Variants in NIPSNAP1 observed in about 807,000 individuals in gnomAD.
The protein encoded by NIPSNAP1 is protein NipSnap homolog 1.
Under a neutral mutation model 49.2 loss-of-function variants are expected in NIPSNAP1, and 25 were observed. The ratio of observed to expected loss-of-function variants is 0.51; its 90% CI spans 0.37 to 0.71. The LOEUF is 0.71. Ranked by LOEUF, NIPSNAP1 falls within the 30% of genes least tolerant of loss-of-function variation. NIPSNAP1 has a pLI of 0.00. For missense variants in NIPSNAP1, 294 were observed against 361.0 expected (o/e 0.81, Z 1.50); for synonymous variants, 143 against 140.7 (o/e 1.02, Z -0.12).
chr22:29,554,850 C>G lies in NIPSNAP1; in HGVS notation c.*1085G>C, dbSNP rs1185042620. 2 of 152,634 alleles carry G rather than the reference C, an allele frequency of 1.3e-5. No homozygotes were observed. Among genetic ancestry groups the G allele is most frequent in the Non-Finnish European group, 2.9e-5 (2 of 68,040 alleles). 9.5% of individuals were successfully genotyped at this position (152,634 alleles called of 1,614,324 possible). On this transcript the variant is annotated 3_prime_UTR_variant, in exon 10 of 10. Transcript: ENST00000216121. ...ATTGTTTCCATCAGCAATTCCAGCA[C>G]AAGTTTTCCTGGATGGTAGGCAGAA... is the stretch of plus-strand genomic sequence containing the variant.
chr22:29,573,405 T>A (rs1262402494), intron 1 of NIPSNAP1, among the ~76,000 whole-genome samples: 1 of 151,644 alleles, frequency 6.6e-6, no homozygotes, highest in East Asian at 2.0e-4. Flanking sequence ...CGCCTATAAT[T>A]CCAGCACTCT....
At chr22:29,580,039 G>A in intron 1 of NIPSNAP1, 2 of 1,265,516 alleles carry the variant, frequency 1.6e-6, no homozygotes, top group Non-Finnish European at 2.1e-6. Context: ...TGGGCTGCAG[G>A]GCAGGAGGGA....
chr22:29,563,698 T>C (rs903759598), intron 4 of NIPSNAP1, among the ~76,000 whole-genome samples: 1 of 152,006 alleles, frequency 6.6e-6, no homozygotes, highest in Non-Finnish European at 1.5e-5. Flanking sequence ...AGGTGAGCCC[T>C]GAGTCCAGTG....
intron 1 of NIPSNAP1, among the ~76,000 whole-genome samples, chr22:29,574,574 T>C (rs1399610693): frequency 6.6e-6 from 1 of 150,856 alleles, no homozygotes; most frequent in African/African-American, 2.4e-5. Context: ...AGGTCAGGAG[T>C]TTGAGGCTAG....
chr22:29,569,844 C>G, intron 3 of NIPSNAP1: 1 of 400,344 alleles, frequency 2.5e-6, no homozygotes, highest in South Asian at 2.2e-5. Context: ...AAAAAATTAG[C>G]CATGCTTAGC....
intron 4 of NIPSNAP1, among the ~76,000 whole-genome samples, chr22:29,566,899 G>A (rs2064371934): frequency 6.6e-6 from 1 of 151,946 alleles, no homozygotes; most frequent in Non-Finnish European, 1.5e-5. Flanking sequence ...TCAGGCGGGA[G>A]GATCATGAGG....
At chr22:29,576,823 GCT>G (rs911640425) in intron 1 of NIPSNAP1, among the ~76,000 whole-genome samples, 1 of 150,958 alleles carries the variant, frequency 6.6e-6, no homozygotes, top group Admixed American at 6.6e-5. Context: ...TACTTGGGAG[GCT>G]GAGGCAGGAG....
intron 1 of NIPSNAP1, among the ~76,000 whole-genome samples, chr22:29,573,768 CA>C (rs695672): frequency 0.3 from 36,953 of 125,038 alleles, 5,272 homozygotes; most frequent in Non-Finnish European, 0.32. Context: ...AACTCTGTCT[CA>C]AAAAAAAAAA....
chr22:29,555,478 T>TC lies in NIPSNAP1; in HGVS notation c.*456dup, dbSNP rs1447354618. On this transcript the variant is annotated 3_prime_UTR_variant, in exon 10 of 10. Coordinates refer to ENST00000216121, the MANE Select transcript of NIPSNAP1 (RefSeq NM_003634.4). ...AGCAGGAGGGACTTGGCTCAGACTG[T>TC]CCAGCAAGTGGGTGGCCCAGTGGAA... 2.0e-5 allele frequency: 4 copies of TC among 199,024 alleles called. No individual in the cohort carries two copies. Among genetic ancestry groups the TC allele is most frequent in the Non-Finnish European group, 4.2e-5 (4 of 94,622 alleles). The allele number at this position is 199,024 out of a possible 1,614,324, so 12.3% of individuals were successfully genotyped here.
chr22:29,576,924 C>CAA (rs752686776), intron 1 of NIPSNAP1, among the ~76,000 whole-genome samples: 3 of 103,398 alleles, frequency 2.9e-5, no homozygotes, highest in Non-Finnish European at 6.0e-5. Context: ...GACTCCGTCT[C>CAA]AAAAAAAAAA....
chr22:29,576,209 G>C (rs187525785), intron 1 of NIPSNAP1, among the ~76,000 whole-genome samples: 1,838 of 150,428 alleles, frequency 0.012, 29 homozygotes, highest in Non-Finnish European at 0.02. Flanking sequence ...TAGTAGAGAC[G>C]GGGTTTCACC....
chr22:29,566,905 T>C (rs956791958), intron 4 of NIPSNAP1, among the ~76,000 whole-genome samples: 3 of 152,110 alleles, frequency 2.0e-5, no homozygotes, highest in East Asian at 1.9e-4. Context: ...GGGAGGATCA[T>C]GAGGTCAGGA....
At chr22:29,578,317 T>C (rs2064470744) in intron 1 of NIPSNAP1, among the ~76,000 whole-genome samples, 1 of 151,340 alleles carries the variant, frequency 6.6e-6, no homozygotes. Context: ...ATTACAGGCA[T>C]GACCCACTGT....
At position 29,581,058 on chromosome 22, in the gene NIPSNAP1, A is replaced by T. The variant is rs2064494803; in HGVS notation, c.25T>A (p.Ser9Thr). The change falls in exon 1 of 10, where the codon TCT becomes ACT. Residue 9 changes from serine to threonine, a missense_variant. This residue lies in a region of NIPSNAP1 where 88 missense variants were observed against 76.1 expected (regional missense o/e 1.16). Transcript: ENST00000216121. ...CCCAGCAGCCGCCGCGCCGTCACAGAGATGCTGCACAGCCGCGGAGCCATG... is the reference window on the plus strand; with the variant it reads ...CCCAGCAGCCGCCGCGCCGTCACAGTGATGCTGCACAGCCGCGGAGCCATG... MAPRLCSISVTARRLLGGP... is the reference protein window; with the variant it reads MAPRLCSITVTARRLLGGP... The T allele has an allele frequency of 1.3e-6, 2 of 1,541,000 alleles. No individual in the cohort carries two copies. Among genetic ancestry groups the T allele is most frequent in the Non-Finnish European group, 1.7e-6 (2 of 1,145,852 alleles).
Position 29,558,927 on chromosome 22 carries a change from C to G in NIPSNAP1, c.733G>C (p.Glu245Gln), listed in dbSNP as rs1058646. Residue 245 changes from glutamate (E) to glutamine (Q), a missense_variant, in exon 9 of 10, where the codon GAG becomes CAG. Around this residue, in one of 4 missense-constraint regions of NIPSNAP1, gnomAD observed 146 missense variants for 219.9 expected, o/e 0.66. Coordinates refer to ENST00000216121, the MANE Select transcript of NIPSNAP1 (RefSeq NM_003634.4). ...WAYKDLQSRE[E>Q]TRNAAWRKRG... ...TTCCTCCAGGCAGCGTTTCGAGTCT[C>G]CTCCCGAGACTGCAGGTCTTTATAG... 1 of 1,613,896 alleles carries G rather than the reference C, an allele frequency of 6.2e-7. No homozygotes were observed. The highest frequency in any genetic ancestry group is 8.5e-7 in the Non-Finnish European group (1 of 1,179,908).
chr22:29,561,958 G>A (rs2064339319), intron 4 of NIPSNAP1, 96 bp from the exon 5 acceptor site: 2 of 1,048,020 alleles, frequency 1.9e-6, no homozygotes, highest in Non-Finnish European at 1.5e-6. Context: ...GGGGAGGCGG[G>A]GTGGCCTGGT....
At chr22:29,577,452 TC>T (rs2064461661) in intron 1 of NIPSNAP1, among the ~76,000 whole-genome samples, 1 of 146,084 alleles carries the variant, frequency 6.8e-6, no homozygotes, top group Admixed American at 6.8e-5. Context: ...GAAGTCTCGC[TC>T]TTGTTCCCCA....
At chr22:29,570,013 A>G in intron 3 of NIPSNAP1, 149 bp downstream of exon 3, 1 of 722,746 alleles carries the variant, frequency 1.4e-6, no homozygotes, top group Non-Finnish European at 2.5e-6. Context: ...GAGAGAAAGA[A>G]AGAAAGAAAG....
At chr22:29,571,703 T>A (rs1288804009) in intron 1 of NIPSNAP1, among the ~76,000 whole-genome samples, 1 of 152,148 alleles carries the variant, frequency 6.6e-6, no homozygotes, top group African/African-American at 2.4e-5. Context: ...GCAAGCCTTA[T>A]CCCTTTTTTC....
Sources: gnomAD v4.1 joint callset for allele counts (sites outside exome capture counted in the v4.1 genomes callset) on GRCh38, gnomAD v4.1.1 for gene constraint, gnomAD v4.1.1 regional missense constraint, MANE v1.5 for transcripts, NCBI Gene and HGNC (gene_info 2026-07-23, HGNC 2026-07-21) for gene names.